The following DLGAP2 variants were observed in gnomAD, a reference collection of about 807,000 sequenced individuals.
DLGAP2 encodes disks large-associated protein 2.
Under a neutral mutation model 100.3 loss-of-function variants are expected in DLGAP2, and 26 were observed. That is an observed-to-expected ratio of 0.26 (90% CI 0.19 to 0.36). The LOEUF is 0.36. Among genes scored for constraint, DLGAP2 ranks in the 10% least tolerant of loss-of-function variants. The probability of loss-of-function intolerance (pLI) is 1.00; values close to 1 mark genes in which losing one functional copy is unlikely to be tolerated. For synonymous variants in DLGAP2, 886 were observed against 630.1 expected (o/e 1.41, Z -6.08); for missense variants, 1,858 against 1,453.2 (o/e 1.28, Z -4.53).
At chr8:1,320,283 A>G (rs1800864976) in intron 3 of DLGAP2, among the ~76,000 whole-genome samples, 1 of 152,058 alleles carries the variant, frequency 6.6e-6, no homozygotes, top group African/African-American at 2.4e-5. Flanking sequence ...GTAAAGATCC[A>G]AGCAGACACA....
chr8:1,212,027 C>T (rs1382554901), intron 2 of DLGAP2, among the ~76,000 whole-genome samples: 1 of 152,234 alleles, frequency 6.6e-6, no homozygotes, highest in Non-Finnish European at 1.5e-5. Context: ...ACCTGATTCA[C>T]AGCGCTAAAG....
At chr8:1,242,766 AGACG>A (rs1248898315) in intron 2 of DLGAP2, among the ~76,000 whole-genome samples, 2 of 152,138 alleles carry the variant, frequency 1.3e-5, no homozygotes, top group Non-Finnish European at 2.9e-5. Context: ...ATGGTCAGAC[AGACG>A]GATGGATGGA....
At chr8:1,321,535 C>T (rs958318596) in intron 3 of DLGAP2, among the ~76,000 whole-genome samples, 1 of 152,222 alleles carries the variant, frequency 6.6e-6, no homozygotes, top group Non-Finnish European at 1.5e-5. Context: ...TTGTTCACTG[C>T]CTCTGCCTTC....
intron 4 of DLGAP2, among the ~76,000 whole-genome samples, chr8:1,520,520 G>A (rs1800557302): frequency 6.6e-6 from 1 of 152,134 alleles, no homozygotes; most frequent in Admixed American, 6.5e-5. Context: ...TAATGGTGTG[G>A]ACTCCCCACT....
intron 4 of DLGAP2, among the ~76,000 whole-genome samples, chr8:1,534,996 G>T (rs947466742): frequency 2.0e-5 from 3 of 152,242 alleles, no homozygotes; most frequent in Non-Finnish European, 4.4e-5. Context: ...TTGCCAGAGC[G>T]CACTGTTTTC....
intron 3 of DLGAP2, among the ~76,000 whole-genome samples, chr8:1,328,253 G>A (rs1801068274): frequency 6.6e-6 from 1 of 151,936 alleles, no homozygotes; most frequent in Non-Finnish European, 1.5e-5. Context: ...CATTGGCCAG[G>A]CTGGTCTCAA....
At chr8:1,133,288 G>A (rs1343812515) in intron 2 of DLGAP2, among the ~76,000 whole-genome samples, 1 of 152,060 alleles carries the variant, frequency 6.6e-6, no homozygotes, top group African/African-American at 2.4e-5. Context: ...CCTGAAAGTG[G>A]GGGGTTTCCA....
chr8:1,171,668 G>A (rs979954413), intron 2 of DLGAP2, among the ~76,000 whole-genome samples: 5 of 152,070 alleles, frequency 3.3e-5, no homozygotes, highest in African/African-American at 1.2e-4. Context: ...GATCTTTGTT[G>A]GTTTAAAATC....
At chr8:792,794 C>G (rs2132641977) in intron 1 of DLGAP2, among the ~76,000 whole-genome samples, 1 of 152,264 alleles carries the variant, frequency 6.6e-6, no homozygotes, top group Non-Finnish European at 1.5e-5. Flanking sequence ...TAATACTGAA[C>G]CATCTTTTCA....
intron 1 of DLGAP2, among the ~76,000 whole-genome samples, chr8:796,026 TCCAGTGAG>T (rs1796029242): frequency 1.4e-5 from 2 of 148,126 alleles, no homozygotes; most frequent in African/African-American, 5.1e-5. Context: ...AGAGCAGGCA[TCCAGTGAG>T]AGCAGGCGTC....
At position 1,549,413 on chromosome 8, in the gene DLGAP2, G is replaced by T; in HGVS notation, c.960G>T (p.Leu320=). ...RTPSVLNRHH[L]GPVAHCYPDA... is the part of the protein sequence containing the mutation. ...CCAGCGTGCTCAACCGGCACCACCT[G>T]GGCCCCGTGGCCCACTGCTACCCCG... Residue 320 remains leucine, a synonymous_variant, in exon 5 of 15, where the codon CTG becomes CTT. Coordinates refer to ENST00000637795, the MANE Select transcript of DLGAP2 (RefSeq NM_001346810.2). 1.2e-6 allele frequency: 2 copies of T among 1,613,400 alleles called. No homozygotes were observed. The highest frequency in any genetic ancestry group is 8.5e-7 in the Non-Finnish European group (1 of 1,179,770).
intron 2 of DLGAP2, among the ~76,000 whole-genome samples, chr8:1,082,367 TA>T (rs551545040): frequency 9.2e-5 from 14 of 152,210 alleles, no homozygotes; most frequent in African/African-American, 3.4e-4. Flanking sequence ...TCTTTATTTT[TA>T]AAAAAATCAC....
chr8:1,585,840 A>C (rs528985004), intron 6 of DLGAP2, among the ~76,000 whole-genome samples: 7 of 152,338 alleles, frequency 4.6e-5, no homozygotes, highest in African/African-American at 1.7e-4. Context: ...AACACACGTA[A>C]TTGTGTGAAG....
intron 6 of DLGAP2, among the ~76,000 whole-genome samples, chr8:1,615,808 A>G (rs867524352): frequency 2.7e-3 from 400 of 150,178 alleles, no homozygotes; most frequent in African/African-American, 9.5e-3. Context: ...AGAATTCACC[A>G]GAAAGATCTT....
At chr8:1,310,982 A>G (rs543221522) in intron 3 of DLGAP2, among the ~76,000 whole-genome samples, 1 of 152,366 alleles carries the variant, frequency 6.6e-6, no homozygotes, top group East Asian at 1.9e-4. Context: ...TAGAGTATCA[A>G]CAAAACTGAA....
chr8:1,707,235 A>C lies in DLGAP2; in HGVS notation c.*5829A>C, dbSNP rs1046127036. 2.6e-5 allele frequency: 4 copies of C among 152,626 alleles called. No homozygotes were observed. The highest frequency in any genetic ancestry group is 9.7e-5 in the African/African-American group (4 of 41,446). The allele number at this position is 152,626 out of a possible 1,614,324, so 9.5% of individuals were successfully genotyped here. The stretch of plus-strand genomic sequence containing the variant: ...CCTACTCAATGGAGGAGAGGTGATA[A>C]TGAATGAAAAGATTGACACCAGGTT... On this transcript the variant is annotated 3_prime_UTR_variant, in exon 15 of 15. Coordinates refer to ENST00000637795, the MANE Select transcript of DLGAP2 (RefSeq NM_001346810.2).
chr8:791,305 G>A (rs1306962440), intron 1 of DLGAP2, among the ~76,000 whole-genome samples: 1 of 152,100 alleles, frequency 6.6e-6, no homozygotes, highest in Non-Finnish European at 1.5e-5. Flanking sequence ...ACTGCCAGTG[G>A]CTCCCTCCAC....
intron 2 of DLGAP2, among the ~76,000 whole-genome samples, chr8:1,079,386 A>C (rs1408821067): frequency 6.6e-6 from 1 of 152,172 alleles, no homozygotes; most frequent in African/African-American, 2.4e-5. Context: ...GCTGTTTTAA[A>C]ATGTATTAGT....
At chr8:1,197,338 C>G (rs138802355) in intron 2 of DLGAP2, among the ~76,000 whole-genome samples, 140 of 152,354 alleles carry the variant, frequency 9.2e-4, no homozygotes, top group African/African-American at 3.0e-3. Flanking sequence ...ACCCTCCCTC[C>G]TCTTCTGCTC....
Sources: allele counts gnomAD v4.1 joint callset (sites outside exome capture counted in the v4.1 genomes callset), GRCh38; gene constraint gnomAD v4.1.1; transcripts MANE v1.5; gene names NCBI Gene and HGNC (gene_info 2026-07-23, HGNC 2026-07-21).